Variants in MBP observed in about 807,000 individuals in gnomAD.
MBP encodes Golli-MBP.
MBP carries 16 observed loss-of-function variants against 35.8 expected under a neutral mutation model. The ratio of observed to expected loss-of-function variants is 0.45; its 90% confidence interval spans 0.30 to 0.68. The LOEUF is 0.68. MBP is among the 30% of genes least tolerant of loss of function. The probability of loss-of-function intolerance (pLI) is 0.08; values close to 1 mark genes in which losing one functional copy is unlikely to be tolerated. For missense variants in MBP, 380 were observed against 404.7 expected (o/e 0.94, Z 0.52); for synonymous variants, 143 against 159.6 (o/e 0.90, Z 0.78).
At chr18:77,034,515 T>G (rs1207605465) in intron 3 of MBP, among the ~76,000 whole-genome samples, 1 of 152,144 alleles carries the variant, frequency 6.6e-6, no homozygotes, top group South Asian at 2.1e-4. Flanking sequence ...CTCATAAACC[T>G]GTTTCAAGCT....
At chr18:77,087,850 G>A (rs1975320687) in intron 2 of MBP, among the ~76,000 whole-genome samples, 1 of 152,098 alleles carries the variant, frequency 6.6e-6, no homozygotes, top group African/African-American at 2.4e-5. Context: ...TGGGATCCCC[G>A]CTTCCCACTT....
intron 3 of MBP, among the ~76,000 whole-genome samples, chr18:77,042,250 G>A (rs1419255334): frequency 1.3e-5 from 2 of 152,126 alleles, no homozygotes; most frequent in Admixed American, 6.5e-5. Context: ...ACAAAGGCAC[G>A]TGTTCTGAAA....
chr18:77,011,460 C>T (rs575816821), intron 4 of MBP, among the ~76,000 whole-genome samples: 35 of 152,312 alleles, frequency 2.3e-4, no homozygotes, highest in South Asian at 4.1e-4. Flanking sequence ...GGCATGTTCT[C>T]GTGGCTCTGG....
intron 8 of MBP, chr18:76,980,879 C>T (rs1599446883): frequency 2.1e-5 from 4 of 194,528 alleles, no homozygotes; most frequent in Admixed American, 5.4e-5. Context: ...ACTTCTTTTT[C>T]GGCGGGACCC....
chr18:77,026,121 A>G lies in MBP; in HGVS notation c.140-8853T>C, dbSNP rs547230610. 5.3e-5 allele frequency among the ~76,000 whole-genome samples: 8 copies of G among 152,276 alleles called. 2 individuals are homozygous for G. Among genetic ancestry groups the G allele is most frequent in the African/African-American group, 1.9e-4 (8 of 41,562 alleles). ...CCCTGCATGAATCTTTGTGCTTCCA[A>G]TGCTTCTGGTCAGGGGGCCCTGCCG... On this transcript the variant is annotated intron_variant, in intron 3 of 8. Coordinates refer to ENST00000355994, the MANE Select transcript of MBP (RefSeq NM_001025101.2).
At chr18:76,998,942 G>A (rs1239675671) in intron 4 of MBP, among the ~76,000 whole-genome samples, 29 of 151,924 alleles carry the variant, frequency 1.9e-4, no homozygotes, top group Admixed American at 1.8e-3. Context: ...GATGCAAGGT[G>A]TCAGCGGATT....
At chr18:76,993,966 A>G (rs1970123988) in intron 4 of MBP, among the ~76,000 whole-genome samples, 1 of 152,156 alleles carries the variant, frequency 6.6e-6, no homozygotes, top group African/African-American at 2.4e-5. Context: ...TGCTGCAAGA[A>G]CTCAAGTAAT....
chr18:77,028,785 C>T (rs1972376810), intron 3 of MBP, among the ~76,000 whole-genome samples: 1 of 98,952 alleles, frequency 1.0e-5, no homozygotes, highest in African/African-American at 2.8e-5. Context: ...GGGGTGGCTG[C>T]TGGGCGGAGG....
chr18:77,018,778 AT>A (rs1422887312), intron 3 of MBP, among the ~76,000 whole-genome samples: 4,578 of 145,586 alleles, frequency 0.031, 445 homozygotes, highest in African/African-American at 0.12. Flanking sequence ...CCATCCATCC[AT>A]CCACATATCA....
At position 76,988,907 on chromosome 18, in the gene MBP, C is replaced by T. The variant is rs753243448; in HGVS notation, c.687G>A (p.Thr229=). The part of the protein sequence containing the change: ...PVVHFFKNIV[T]PRTPPPSQGK... Reference sequence around the variant, plus strand: ...CCTGCGACGGGGGTGGTGTGCGAGGCGTCACCTGGAAAGACACAGAGAACC... The same window carrying T: ...CCTGCGACGGGGGTGGTGTGCGAGGTGTCACCTGGAAAGACACAGAGAACC... Residue 229 remains threonine, a synonymous_variant, in exon 6 of 9, where the codon ACG becomes ACA. Transcript: ENST00000355994. This position sits in a 1 kb window ranked among gnomAD's most constrained non-coding sequence, Gnocchi z 5.2. The T allele has an allele frequency of 1.9e-6, 3 of 1,613,938 alleles. No homozygotes were observed. The highest frequency in any genetic ancestry group is 8.5e-7 in the Non-Finnish European group (1 of 1,179,890).
chr18:77,093,737 A>AAC (rs1042965375), intron 2 of MBP, among the ~76,000 whole-genome samples: 3 of 152,224 alleles, frequency 2.0e-5, no homozygotes, highest in Non-Finnish European at 4.4e-5. Flanking sequence ...TGTCAAACAC[A>AAC]ACATTCACAA....
At chr18:76,986,397 A>T in intron 7 of MBP, 1 of 985,506 alleles carries the variant, frequency 1.0e-6, no homozygotes, top group Non-Finnish European at 1.2e-6. Context: ...GGTGAGGAAG[A>T]TGACACCAGA....
At chr18:77,012,771 G>C (rs1234052524) in intron 4 of MBP, 1 of 984,970 alleles carries the variant, frequency 1.0e-6, no homozygotes, top group Non-Finnish European at 1.2e-6. Flanking sequence ...AAAGAAGTTC[G>C]CATGCAATTA....
chr18:77,019,360 T>C (rs1436326183), intron 3 of MBP, among the ~76,000 whole-genome samples: 7 of 152,186 alleles, frequency 4.6e-5, no homozygotes, highest in Non-Finnish European at 1.0e-4. Context: ...CTCCAATCAC[T>C]GGTGTCCTTG....
intron 3 of MBP, chr18:77,017,693 A>T (rs1971732408): frequency 6.3e-6 from 1 of 157,612 alleles, no homozygotes; most frequent in South Asian, 2.0e-4. Flanking sequence ...ATTTGACAAA[A>T]GGTGTTTTTA....
At chr18:77,015,463 C>T (rs1235219702) in intron 4 of MBP, 31 of 985,244 alleles carry the variant, frequency 3.1e-5, no homozygotes, top group Non-Finnish European at 3.7e-5. Context: ...GTTAGAACAC[C>T]AACATTTCAG....
At chr18:77,079,353 G>A (rs993916998) in intron 2 of MBP, among the ~76,000 whole-genome samples, 1 of 152,242 alleles carries the variant, frequency 6.6e-6, no homozygotes, top group South Asian at 2.1e-4. Context: ...CACGGCCACT[G>A]TGGGGGAGCA....
chr18:77,034,743 CT>C (rs1255827344), intron 3 of MBP, among the ~76,000 whole-genome samples: 6 of 152,238 alleles, frequency 3.9e-5, no homozygotes, highest in Non-Finnish European at 7.3e-5. Flanking sequence ...GATTCTCTTG[CT>C]TTGCGACCAT....
chr18:77,051,297 C>A (rs12454943), intron 3 of MBP, among the ~76,000 whole-genome samples: 1 of 152,132 alleles, frequency 6.6e-6, no homozygotes, highest in Non-Finnish European at 1.5e-5. Flanking sequence ...CTTTCACTTG[C>A]GGGCGAATGA....
Sources: allele counts gnomAD v4.1 joint callset (sites outside exome capture counted in the v4.1 genomes callset), GRCh38; gene constraint gnomAD v4.1.1; non-coding constraint Gnocchi (gnomAD v3.1); transcripts MANE v1.5; gene names NCBI Gene and HGNC (gene_info 2026-07-23, HGNC 2026-07-21).